The following ATRNL1 variants were observed in gnomAD, a reference collection of about 807,000 sequenced individuals.
ATRNL1 encodes attractin-like protein 1.
ATRNL1 carries 95 observed loss-of-function variants against 182.7 expected under a neutral mutation model. The observed-to-expected ratio is 0.52, with a 90% CI of 0.44 to 0.62. ATRNL1 has a LOEUF of 0.62. Among genes scored for constraint, ATRNL1 ranks in the 20% least tolerant of loss-of-function variants. The pLI, the probability that ATRNL1 is intolerant of heterozygous loss-of-function variation, is 0.00. For synonymous variants in ATRNL1, 576 were observed against 568.3 expected (o/e 1.01, Z -0.19); for missense variants, 1,471 against 1,679.5 (o/e 0.88, Z 2.17).
chr10:115,744,746 A>G (rs1245632428), intron 27 of ATRNL1, among the ~76,000 whole-genome samples: 1 of 152,168 alleles, frequency 6.6e-6, no homozygotes, highest in Non-Finnish European at 1.5e-5. Context: ...ACATATACAC[A>G]GTTTTCATCC....
chr10:115,648,889 T>C (rs1859805141), intron 26 of ATRNL1, among the ~76,000 whole-genome samples: 1 of 152,122 alleles, frequency 6.6e-6, no homozygotes, highest in Non-Finnish European at 1.5e-5. Context: ...TGGTAGAACA[T>C]TTGTGTGTGA....
intron 19 of ATRNL1, among the ~76,000 whole-genome samples, chr10:115,337,559 C>T (rs1283909679): frequency 2.6e-5 from 4 of 152,058 alleles, no homozygotes; most frequent in African/African-American, 7.2e-5. Flanking sequence ...CCCTTCCCAG[C>T]CTCTGGTAAC....
At chr10:115,863,466 A>G (rs7073913) in intron 28 of ATRNL1, among the ~76,000 whole-genome samples, 1,937 of 152,342 alleles carry the variant, frequency 0.013, 43 homozygotes, top group African/African-American at 0.043. Flanking sequence ...TGTCCATGCT[A>G]GGATTGAACA....
At chr10:115,200,596 A>G (rs1456511192) in intron 8 of ATRNL1, among the ~76,000 whole-genome samples, 1 of 141,576 alleles carries the variant, frequency 7.1e-6, no homozygotes, top group African/African-American at 2.7e-5. Flanking sequence ...CATGGTGTAT[A>G]TGTGCCACAT....
intron 24 of ATRNL1, among the ~76,000 whole-genome samples, chr10:115,478,243 G>A (rs1431831814): frequency 1.3e-5 from 2 of 151,830 alleles, no homozygotes; most frequent in South Asian, 2.1e-4. Flanking sequence ...ATCTGGGCAT[G>A]AGTTAACTGC....
At chr10:115,129,610 T>G in intron 5 of ATRNL1, 75 bp downstream of exon 5, 1 of 1,290,516 alleles carries the variant, frequency 7.7e-7, no homozygotes, top group Non-Finnish European at 1.1e-6. Flanking sequence ...TTCCACACGT[T>G]TGTTTCGTTA....
At chr10:115,631,980 C>T (rs1354058210) in intron 26 of ATRNL1, among the ~76,000 whole-genome samples, 2 of 152,082 alleles carry the variant, frequency 1.3e-5, no homozygotes, top group Non-Finnish European at 2.9e-5. Context: ...TATAGTTGTA[C>T]TCATCACTGT....
In ATRNL1 at chr10:115,795,771, G is replaced by A. The variant is rs182388618; in HGVS notation, c.3904-52106G>A. Among the ~76,000 whole-genome samples the A allele has an allele frequency of 5.3e-5, 8 of 152,160 alleles. No individual in the cohort carries two copies. In the East Asian group the frequency reaches 5.8e-4, roughly 11 times the overall value. On this transcript the variant is annotated intron_variant, in intron 27 of 28. Transcript: ENST00000355044. ...TGAGACAGCACTAGAGGGATGGTGCGAAGTGCTAAACCACTGGAAACCACC... is the reference window on the plus strand; with the variant it reads ...TGAGACAGCACTAGAGGGATGGTGCAAAGTGCTAAACCACTGGAAACCACC...
intron 9 of ATRNL1, among the ~76,000 whole-genome samples, chr10:115,216,345 C>G (rs1287466872): frequency 2.0e-5 from 3 of 152,152 alleles, no homozygotes; most frequent in Non-Finnish European, 4.4e-5. Flanking sequence ...CTTTTCAAGT[C>G]ACTGTGGTAA....
intron 28 of ATRNL1, among the ~76,000 whole-genome samples, chr10:115,930,840 G>A (rs1027259655): frequency 4.6e-5 from 7 of 152,130 alleles, no homozygotes; most frequent in African/African-American, 1.7e-4. Context: ...TTGGCACTGA[G>A]GCTCACTGGC....
At chr10:115,750,413 G>T (rs1948415533) in intron 27 of ATRNL1, among the ~76,000 whole-genome samples, 3 of 151,768 alleles carry the variant, frequency 2.0e-5, no homozygotes, top group African/African-American at 7.2e-5. Flanking sequence ...TAGATGAACA[G>T]CTATATGGGA....
chr10:115,948,157 A>G lies in ATRNL1; in HGVS notation c.*3378A>G, dbSNP rs1411359923. The G allele has an allele frequency of 6.6e-6, 1 of 152,240 alleles. No homozygotes were observed. Among genetic ancestry groups the G allele is most frequent in the African/African-American group, 2.4e-5 (1 of 41,460 alleles). The allele number at this position is 152,240 out of a possible 1,614,324, so 9.4% of individuals were successfully genotyped here. ...ACAAAACGACTTTGACATTTAGTCA[A>G]TAAAGACTTAAACTCTTCTTAAATC... On this transcript the variant is annotated 3_prime_UTR_variant, in exon 29 of 29. Coordinates refer to ENST00000355044, the MANE Select transcript of ATRNL1 (RefSeq NM_207303.4).
intron 1 of ATRNL1, among the ~76,000 whole-genome samples, chr10:115,107,385 G>A (rs1554866290): frequency 6.6e-6 from 1 of 152,232 alleles, no homozygotes; most frequent in Non-Finnish European, 1.5e-5. Context: ...AACAAACAAT[G>A]TTAAATCTGA....
In ATRNL1 at chr10:115,800,413, A is replaced by G. The variant is rs543730621; in HGVS notation, c.3904-47464A>G. Reference sequence around the variant, plus strand: ...GATCAAAGAAAGGAAGGAAAGAGACAGTGGAGAAGAAAAGTAGGGAAAGAA... The same window carrying G: ...GATCAAAGAAAGGAAGGAAAGAGACGGTGGAGAAGAAAAGTAGGGAAAGAA... On this transcript the variant is annotated intron_variant, in intron 27 of 28. Coordinates refer to ENST00000355044, the MANE Select transcript of ATRNL1 (RefSeq NM_207303.4). Among the ~76,000 whole-genome samples, 10 of 152,338 alleles carry G rather than the reference A, an allele frequency of 6.6e-5. No homozygotes were observed. In the East Asian group the frequency reaches 1.7e-3, roughly 26 times the overall value.
intron 19 of ATRNL1, among the ~76,000 whole-genome samples, chr10:115,366,570 G>A (rs1183033577): frequency 2.0e-5 from 3 of 150,568 alleles, no homozygotes; most frequent in Non-Finnish European, 4.4e-5. Flanking sequence ...TATGATGTTA[G>A]CTGGTGATTT....
At chr10:115,263,640 C>G (rs1391094179) in intron 10 of ATRNL1, among the ~76,000 whole-genome samples, 1 of 151,710 alleles carries the variant, frequency 6.6e-6, no homozygotes, top group Non-Finnish European at 1.5e-5. Flanking sequence ...TTTATGTGTA[C>G]TTAATTTATA....
chr10:115,775,394 T>C (rs1949098004), intron 27 of ATRNL1, among the ~76,000 whole-genome samples: 1 of 152,240 alleles, frequency 6.6e-6, no homozygotes, highest in Non-Finnish European at 1.5e-5. Context: ...TCTTTCTTAA[T>C]AGATTGACTT....
At chr10:115,560,216 C>T (rs1298952160) in intron 26 of ATRNL1, among the ~76,000 whole-genome samples, 1 of 152,154 alleles carries the variant, frequency 6.6e-6, no homozygotes, top group African/African-American at 2.4e-5. Flanking sequence ...AGTCCATATT[C>T]ACACTGCTAA....
At chr10:115,535,870 C>T (rs1554990065) in intron 25 of ATRNL1, among the ~76,000 whole-genome samples, 1 of 151,480 alleles carries the variant, frequency 6.6e-6, no homozygotes, top group Non-Finnish European at 1.5e-5. Flanking sequence ...TGCTAGAGGT[C>T]CACTCCAGAC....
Sources: allele counts gnomAD v4.1 joint callset (sites outside exome capture counted in the v4.1 genomes callset), GRCh38; gene constraint gnomAD v4.1.1; transcripts MANE v1.5; gene names NCBI Gene and HGNC (gene_info 2026-07-23, HGNC 2026-07-21).